EPHA6: variants seen among roughly 807,000 people sequenced by gnomAD.
The protein encoded by EPHA6 is EPH receptor A6.
Under a neutral mutation model 112.0 loss-of-function variants are expected in EPHA6, and 50 were observed. The observed-to-expected ratio is 0.45, with a 90% CI of 0.36 to 0.56. The LOEUF (loss-of-function observed/expected upper bound fraction) is 0.56, where lower values mean the gene tolerates loss of function less well. EPHA6 is among the 20% of genes least tolerant of loss of function. EPHA6 has a pLI of 0.00. For missense variants in EPHA6, 1,280 were observed against 1,417.4 expected (o/e 0.90, Z 1.56); for synonymous variants, 529 against 490.7 (o/e 1.08, Z -1.03).
chr3:97,646,165 A>T (rs2094060284), intron 14 of EPHA6: 4 of 1,535,556 alleles, frequency 2.6e-6, no homozygotes, highest in African/African-American at 1.4e-5. Context: ...GTTAAAGAAG[A>T]TGGTCTGGAA....
chr3:97,019,299 G>T (rs977557686), intron 3 of EPHA6, among the ~76,000 whole-genome samples: 1 of 152,068 alleles, frequency 6.6e-6, no homozygotes, highest in Non-Finnish European at 1.5e-5. Context: ...ATTGATACAA[G>T]ACTTTTCTAA....
chr3:97,579,336 T>C lies in EPHA6; in HGVS notation c.2387-13276T>C, dbSNP rs143923501. Among the ~76,000 whole-genome samples the C allele has an allele frequency of 2.0e-3, 311 of 152,324 alleles. 1 individual carries two copies. Among genetic ancestry groups the C allele is most frequent in the Non-Finnish European group, 3.5e-3 (235 of 68,018 alleles). Reference sequence around the variant, plus strand: ...ATACCCAGATTACCTGGAAGGTATATATACTCAGTTAAGACACATTCGATC... The same window carrying C: ...ATACCCAGATTACCTGGAAGGTATACATACTCAGTTAAGACACATTCGATC... On this transcript the variant is annotated intron_variant, in intron 11 of 17. Coordinates refer to ENST00000389672, the MANE Select transcript of EPHA6 (RefSeq NM_001080448.3).
At chr3:97,016,059 A>G (rs766996052) in intron 3 of EPHA6, among the ~76,000 whole-genome samples, 4 of 152,006 alleles carry the variant, frequency 2.6e-5, no homozygotes, top group Non-Finnish European at 5.9e-5. Flanking sequence ...AAAAAAATCA[A>G]CAGCTTCATT....
chr3:97,579,552 C>T (rs536340186), intron 11 of EPHA6, among the ~76,000 whole-genome samples: 3 of 152,262 alleles, frequency 2.0e-5, no homozygotes, highest in African/African-American at 7.2e-5. Context: ...TTTCCTCCCC[C>T]TCATTCTCCA....
At chr3:96,982,994 T>C (rs1199452027) in intron 2 of EPHA6, among the ~76,000 whole-genome samples, 1 of 152,180 alleles carries the variant, frequency 6.6e-6, no homozygotes, top group African/African-American at 2.4e-5. Context: ...CTGATGGGTC[T>C]TGACTTTATC....
chr3:97,087,697 A>G (rs2046944503), intron 3 of EPHA6, among the ~76,000 whole-genome samples: 2 of 152,166 alleles, frequency 1.3e-5, no homozygotes, highest in Admixed American at 1.3e-4. Flanking sequence ...GTCTTCTGAA[A>G]TGACAGTAGT....
chr3:97,589,255 C>G (rs1026153288), intron 11 of EPHA6, among the ~76,000 whole-genome samples: 10 of 151,556 alleles, frequency 6.6e-5, no homozygotes, highest in African/African-American at 2.2e-4. Context: ...CCCATAGTAG[C>G]CAAAAGATTG....
At chr3:97,075,161 A>G (rs1262534336) in intron 3 of EPHA6, among the ~76,000 whole-genome samples, 3 of 152,060 alleles carry the variant, frequency 2.0e-5, no homozygotes, top group Non-Finnish European at 4.4e-5. Context: ...GGCTTAGGTT[A>G]TACAGAGTAG....
chr3:97,216,121 T>A (rs1283024046), intron 3 of EPHA6, among the ~76,000 whole-genome samples: 1 of 152,190 alleles, frequency 6.6e-6, no homozygotes, highest in African/African-American at 2.4e-5. Context: ...AGAGTTTTAA[T>A]TGGCTCATGA....
chr3:97,459,132 G>A (rs2090799751), intron 7 of EPHA6, among the ~76,000 whole-genome samples: 1 of 152,126 alleles, frequency 6.6e-6, no homozygotes, highest in Admixed American at 6.5e-5. Flanking sequence ...AGGGAATTGG[G>A]GAGCTTTTGC....
intron 15 of EPHA6, among the ~76,000 whole-genome samples, chr3:97,732,311 C>T (rs1258013219): frequency 6.6e-6 from 1 of 151,514 alleles, no homozygotes; most frequent in African/African-American, 2.4e-5. Context: ...CCTTAAGGTT[C>T]AGTCACCTCC....
chr3:97,508,557 G>C (rs1404420099), intron 10 of EPHA6, among the ~76,000 whole-genome samples: 2 of 152,138 alleles, frequency 1.3e-5, no homozygotes, highest in African/African-American at 4.8e-5. Flanking sequence ...TGCATTTGCT[G>C]AGGAGTGTTT....
At chr3:97,734,869 C>T (rs1027931679) in intron 15 of EPHA6, among the ~76,000 whole-genome samples, 2 of 151,938 alleles carry the variant, frequency 1.3e-5, no homozygotes, top group Non-Finnish European at 2.9e-5. Context: ...TACTTTTGAA[C>T]ATTTTATGAA....
rs202066231 is a variant in EPHA6 at position 97,644,224 on chromosome 3, T to G, written c.2784+6142T>G. The stretch of plus-strand genomic sequence containing the variant: ...AACGAAATTAAGGCAGAAATAAAGA[T>G]GTTCTTTGAAACCAACGAGAACAAA... On this transcript the variant is annotated intron_variant, in intron 14 of 17. Transcript: ENST00000389672. Among the ~76,000 whole-genome samples the G allele has an allele frequency of 0.01, 1,537 of 151,868 alleles. 48 individuals carry two copies. The East Asian group carries it at 0.12, about 11-fold the overall frequency.
chr3:96,918,512 C>T (rs2039596995), intron 2 of EPHA6, among the ~76,000 whole-genome samples: 1 of 152,052 alleles, frequency 6.6e-6, no homozygotes, highest in Admixed American at 6.6e-5. Context: ...ATGTGCAAGG[C>T]AGCAAAGAGA....
chr3:96,992,075 A>G (rs1022005860), intron 3 of EPHA6, among the ~76,000 whole-genome samples: 1 of 152,122 alleles, frequency 6.6e-6, no homozygotes, highest in African/African-American at 2.4e-5. Flanking sequence ...CTCTGTTTAT[A>G]AGAATTGCAA....
intron 3 of EPHA6, among the ~76,000 whole-genome samples, chr3:97,199,069 G>A (rs1305571692): frequency 2.0e-5 from 3 of 152,150 alleles, no homozygotes; most frequent in African/African-American, 2.4e-5. Context: ...GAATGTACTT[G>A]TGTTGGCACA....
At chr3:97,641,833 C>A (rs2094008549) in intron 14 of EPHA6, among the ~76,000 whole-genome samples, 2 of 152,120 alleles carry the variant, frequency 1.3e-5, no homozygotes, top group Non-Finnish European at 2.9e-5. Context: ...AGTCTGAGAT[C>A]AAACTGCAAG....
intron 7 of EPHA6, among the ~76,000 whole-genome samples, chr3:97,467,057 A>G (rs2091079485): frequency 6.6e-6 from 1 of 151,708 alleles, no homozygotes; most frequent in Non-Finnish European, 1.5e-5. Flanking sequence ...ACATACCTCC[A>G]TTCTAGCACC....
Sources: allele counts gnomAD v4.1 joint callset (sites outside exome capture counted in the v4.1 genomes callset), GRCh38; gene constraint gnomAD v4.1.1; transcripts MANE v1.5; gene names NCBI Gene and HGNC (gene_info 2026-07-23, HGNC 2026-07-21).